INKA2: variants seen among roughly 807,000 people sequenced by gnomAD.
INKA2 encodes inka box actin regulator 2.
INKA2 carries 3 observed loss-of-function variants against 9.8 expected under a neutral mutation model. That is an observed-to-expected ratio of 0.31 (90% confidence interval 0.14 to 0.79). INKA2 has a LOEUF of 0.79. Among genes scored for constraint, INKA2 ranks in the 30% least tolerant of loss-of-function variants. The pLI is 0.62. For missense variants in INKA2, 392 were observed against 384.4 expected, an observed-to-expected ratio of 1.02 and a Z score of -0.17; for synonymous variants, 147 against 143.3, an observed-to-expected ratio of 1.03 and a Z score of -0.18.
upstream of INKA2, chr1:111,739,742 T>G: frequency 6.4e-6 from 1 of 156,330 alleles, no homozygotes; most frequent in Non-Finnish European, 1.4e-5. Flanking sequence ...CAGAGTGCCA[T>G]AGTGTCAGTC....
At chr1:111,729,758 G>A (rs1662864037) in intron 1 of INKA2, among the ~76,000 whole-genome samples, 1 of 152,226 alleles carries the variant, frequency 6.6e-6, no homozygotes, top group South Asian at 2.1e-4. Context: ...CAGGCACAGA[G>A]GCTCTGCAGG....
intron 1 of INKA2, among the ~76,000 whole-genome samples, chr1:111,748,635 ATCT>A (rs1663324925): frequency 6.6e-6 from 1 of 152,166 alleles, no homozygotes; most frequent in Non-Finnish European, 1.5e-5. Context: ...CTTCTGTCTG[ATCT>A]TCTTACCAAT....
intron 1 of INKA2, among the ~76,000 whole-genome samples, chr1:111,735,311 C>G (rs1017730223): frequency 6.6e-5 from 10 of 152,194 alleles, no homozygotes; most frequent in Admixed American, 5.9e-4. Context: ...ACAGTCTGAT[C>G]AAACCATCAT....
Position 111,724,503 on chromosome 1 carries a change from G to A in INKA2, c.*2465C>T, listed in dbSNP as rs1662721800. 6.6e-6 allele frequency: 1 copy of A among 152,016 alleles called. No homozygotes were observed. The highest frequency in any genetic ancestry group is 1.5e-5 in the Non-Finnish European group (1 of 68,054). The allele number at this position is 152,016 out of a possible 1,614,324, so 9.4% of individuals were successfully genotyped here. On this transcript the variant is annotated 3_prime_UTR_variant, in exon 2 of 2. Coordinates refer to ENST00000357260, the MANE Select transcript of INKA2 (RefSeq NM_019099.5). ...GCTTCTCCACCAGCCAGTGTCCCAC[G>A]ACTTCCTCCGCTCATGATTCAGTAG... is the stretch of plus-strand genomic sequence containing the variant.
chr1:111,727,598 G>A lies in INKA2; in HGVS notation c.264C>T (p.Pro88=). The A allele has an allele frequency of 6.2e-7, 1 of 1,610,292 alleles. No individual in the cohort carries two copies. Among genetic ancestry groups the A allele is most frequent in the Non-Finnish European group, 8.5e-7 (1 of 1,177,936 alleles). The part of the protein sequence containing the change: ...CWEGGRGPAR[P]TVCSPSSQPS... Reference sequence around the variant, plus strand: ...GTTGACTGGAGGGGGAACAGACTGTGGGCCTGGCAGGACCTCTGCCACCCT... The same window carrying A: ...GTTGACTGGAGGGGGAACAGACTGTAGGCCTGGCAGGACCTCTGCCACCCT... The change falls in exon 2 of 2, where the codon CCC becomes CCT. Residue 88 remains proline (P), a synonymous_variant. Coordinates refer to ENST00000357260, the MANE Select transcript of INKA2 (RefSeq NM_019099.5).
At position 111,727,386 on chromosome 1, in the gene INKA2, T is replaced by A; in HGVS notation, c.476A>T (p.Asp159Val). ...GCCCACCAGGTCTGCAAAAACGTTG[T>A]CCCCTAACACCAGAGGCTGTCGATT... The part of the protein sequence containing the change: ...GRNRQPLVLG[D>V]NVFADLVGNW... The change falls in exon 2 of 2, where the codon GAC becomes GTC. Residue 159 changes from aspartate to valine, a missense_variant. By Grantham distance (152) the Asp-to-Val change is radical (BLOSUM62 -3). Transcript: ENST00000357260. 2 of 1,613,948 alleles carry A rather than the reference T, an allele frequency of 1.2e-6. No homozygotes were observed. Among genetic ancestry groups the A allele is most frequent in the Non-Finnish European group, 1.7e-6 (2 of 1,179,950 alleles).
chr1:111,755,582 G>A, intron 1 of INKA2: 3 of 1,179,398 alleles, frequency 2.5e-6, no homozygotes, highest in South Asian at 3.1e-5. Context: ...AGAACGGCGA[G>A]AGGGCGGTGG....
rs1358304932 is a variant in INKA2, at chr1:111,745,293, A to ATATAT, written n.124+10407_124+10408insATATA. The ATATAT allele has an allele frequency of 2.3e-3, 112 of 49,296 alleles. 1 individual carries two copies. The highest frequency in any genetic ancestry group is 3.9e-3 in the Admixed American group (11 of 2,806). 3.1% of individuals were successfully genotyped at this position (49,296 alleles called of 1,614,324 possible). ...TATATATATATATATATATATATAT[A>ATATAT]TTTTTTTTTTTTTTTTTTTTTGAGA... is the stretch of plus-strand genomic sequence containing the variant. On this transcript the variant is annotated intron_variant and non_coding_transcript_variant, in intron 1 of 1. Transcript: ENST00000444059.
At chr1:111,752,560 CT>C (rs1663433861) in intron 1 of INKA2, among the ~76,000 whole-genome samples, 1 of 152,206 alleles carries the variant, frequency 6.6e-6, no homozygotes, top group Non-Finnish European at 1.5e-5. Flanking sequence ...CCTTGTGTTG[CT>C]TTGAGGGTCA....
intron 1 of INKA2, among the ~76,000 whole-genome samples, chr1:111,749,469 C>A (rs1663352078): frequency 6.6e-6 from 1 of 151,706 alleles, no homozygotes; most frequent in Non-Finnish European, 1.5e-5. Flanking sequence ...TGCTAGGGAG[C>A]CAAGGCAGGG....
intron 1 of INKA2, among the ~76,000 whole-genome samples, chr1:111,738,403 C>A (rs536653451): frequency 6.6e-6 from 1 of 151,946 alleles, no homozygotes. Flanking sequence ...TTTCCACCCC[C>A]CCAGACTGAG....
At position 111,723,031 on chromosome 1, in the gene INKA2, C is replaced by T. The variant is rs1044268858; in HGVS notation, c.*3937G>A. On this transcript the variant is annotated 3_prime_UTR_variant, in exon 2 of 2. Transcript: ENST00000357260. ...ATCAAGCAACATGCTCAAGCTTCCA[C>T]AGTGACAGAGGGGGCTCTCAAATCT... 13 of 701,082 alleles carry T rather than the reference C, an allele frequency of 1.9e-5. No homozygotes were observed. The highest frequency in any genetic ancestry group is 6.0e-5 in the Admixed American group (3 of 49,828). 43.4% of individuals were successfully genotyped at this position (701,082 alleles called of 1,614,324 possible).
intron 1 of INKA2, among the ~76,000 whole-genome samples, chr1:111,733,238 GT>G (rs1180753063): frequency 6.6e-6 from 1 of 152,208 alleles, no homozygotes; most frequent in Non-Finnish European, 1.5e-5. Flanking sequence ...TGTGTGAAGT[GT>G]TTACACTTGC....
intron 1 of INKA2, among the ~76,000 whole-genome samples, chr1:111,729,689 C>T (rs905977650): frequency 6.6e-5 from 10 of 152,232 alleles, no homozygotes; most frequent in African/African-American, 2.4e-4. Context: ...GATCATCTTA[C>T]CTCCCAGGCT....
rs1179452715 is a variant in INKA2 at position 111,739,310 on chromosome 1, G to A, written c.-68C>T. The stretch of plus-strand genomic sequence containing the variant: ...TGAAACCCCGGCCCCACTGGAAACT[G>A]CGCTCCGGGCCGGCTCCCCGCCCCT... On this transcript the variant is annotated 5_prime_UTR_variant, in exon 1 of 2. Coordinates refer to ENST00000357260, the MANE Select transcript of INKA2 (RefSeq NM_019099.5). 5 of 1,599,954 alleles carry A rather than the reference G, an allele frequency of 3.1e-6. No individual in the cohort carries two copies. The highest frequency in any genetic ancestry group is 4.3e-6 in the Non-Finnish European group (5 of 1,173,252).
chr1:111,722,138 C>T lies in INKA2; in HGVS notation c.*4830G>A, dbSNP rs781534505. ...GGAAGGCAAGGGACATCCTAGTAAT[C>T]GTACTAAGGGGATGGCTGCAGTTTG... On this transcript the variant is annotated 3_prime_UTR_variant, in exon 2 of 2. Transcript: ENST00000357260. 5.9e-5 allele frequency: 9 copies of T among 152,324 alleles called. No homozygotes were observed. Among genetic ancestry groups the T allele is most frequent in the Non-Finnish European group, 1.2e-4 (8 of 68,042 alleles). The allele number at this position is 152,324 out of a possible 1,614,324, so 9.4% of individuals were successfully genotyped here. A position where few individuals can be genotyped will look rare whatever the true frequency, so the allele number is the denominator to read the frequency against.
Position 111,727,795 on chromosome 1 carries a change from T to G in INKA2, c.67A>C (p.Lys23Gln), listed in dbSNP as rs1208150490. The G allele has an allele frequency of 1.2e-6, 2 of 1,605,080 alleles. No individual in the cohort carries two copies. The highest frequency in any genetic ancestry group is 2.2e-5 in the East Asian group (1 of 44,886). ...RRLKQELMSMKEVGDGLQDQM... is the reference protein window; with the variant it reads ...RRLKQELMSMQEVGDGLQDQM... The stretch of plus-strand genomic sequence containing the variant: ...TCCTGTAAGCCATCACCCACCTCCT[T>G]CATGGACATCTGCAGGGGAGAGAGA... The change falls in exon 2 of 2, where the codon AAG becomes CAG. Residue 23 changes from lysine to glutamine, a missense_variant. Lys to Gln is a moderately conservative substitution (Grantham distance 53). Transcript: ENST00000357260.
chr1:111,752,010 T>C (rs1370742737), intron 1 of INKA2, among the ~76,000 whole-genome samples: 4 of 151,922 alleles, frequency 2.6e-5, no homozygotes, highest in Non-Finnish European at 4.4e-5. Context: ...TGCCAGATAG[T>C]GTGGCAGCTT....
At chr1:111,742,266 G>A (rs899727386), upstream of INKA2, among the ~76,000 whole-genome samples, 10 of 152,106 alleles carry the variant, frequency 6.6e-5, no homozygotes, top group African/African-American at 2.4e-4. Context: ...AAACCTTTGT[G>A]AGTCTAATAC....
Sources: allele counts gnomAD v4.1 joint callset (sites outside exome capture counted in the v4.1 genomes callset), GRCh38; gene constraint gnomAD v4.1.1; transcripts MANE v1.5; gene names NCBI Gene and HGNC (gene_info 2026-07-23, HGNC 2026-07-21).